Variants in CLIP4 observed in about 807,000 individuals in gnomAD.
CLIP4 encodes the protein CAP-Gly domain-containing linker protein 4.
Under a neutral mutation model 73.1 loss-of-function variants are expected in CLIP4, and 47 were observed. The ratio of observed to expected loss-of-function variants is 0.64; its 90% CI spans 0.51 to 0.82. The LOEUF is 0.82. Among genes scored for constraint, CLIP4 ranks in the 40% least tolerant of loss-of-function variants. The pLI is 0.00. For synonymous variants in CLIP4, 306 were observed against 295.4 expected (o/e 1.04, Z -0.37); for missense variants, 874 against 852.9 (o/e 1.02, Z -0.31).
chr2:29,121,582 T>A, intron 2 of CLIP4, 61 bp downstream of exon 2: 1 of 1,553,848 alleles, frequency 6.4e-7, no homozygotes. Flanking sequence ...CTGTTACGCC[T>A]TTTTTGCACT....
chr2:29,175,975 A>G (rs999378238), intron 15 of CLIP4, among the ~76,000 whole-genome samples: 4 of 152,262 alleles, frequency 2.6e-5, no homozygotes, highest in Non-Finnish European at 4.4e-5. Context: ...GTTAGCCAGG[A>G]TGGTCTCGAT....
chr2:29,129,217 T>C (rs1379832524), intron 2 of CLIP4, among the ~76,000 whole-genome samples: 3 of 152,314 alleles, frequency 2.0e-5, no homozygotes, highest in African/African-American at 7.2e-5. Context: ...CTACATAGAA[T>C]CAAAGTTGTA....
At chr2:29,112,316 C>T (rs1668404540), upstream of CLIP4, among the ~76,000 whole-genome samples, 1 of 152,182 alleles carries the variant, frequency 6.6e-6, no homozygotes, top group South Asian at 2.1e-4. Flanking sequence ...GTTGCCATAA[C>T]ATTTACTTTG....
At chr2:29,124,716 C>G (rs1268721504) in intron 2 of CLIP4, among the ~76,000 whole-genome samples, 1 of 152,066 alleles carries the variant, frequency 6.6e-6, no homozygotes, top group Non-Finnish European at 1.5e-5. Flanking sequence ...AATTAATTAG[C>G]TGCTGATTTT....
At chr2:29,151,282 T>A (rs1361931899) in intron 8 of CLIP4, among the ~76,000 whole-genome samples, 1 of 152,198 alleles carries the variant, frequency 6.6e-6, no homozygotes, top group Non-Finnish European at 1.5e-5. Context: ...TAAAGTGGAT[T>A]AGGTCAAGAT....
intron 1 of CLIP4, among the ~76,000 whole-genome samples, chr2:29,119,766 A>T (rs1307842133): frequency 2.6e-5 from 4 of 152,094 alleles, no homozygotes; most frequent in Non-Finnish European, 5.9e-5. Flanking sequence ...ATTGATACCT[A>T]TTCATCATTC....
rs1251825890 is a variant in CLIP4, at chr2:29,183,459, C to T, written c.*1566C>T. 4.6e-5 allele frequency: 7 copies of T among 152,626 alleles called. No homozygotes were observed. In the South Asian group the frequency reaches 8.3e-4, roughly 18 times the overall value. 9.5% of individuals were successfully genotyped at this position (152,626 alleles called of 1,614,324 possible). A position where few individuals can be genotyped will look rare whatever the true frequency, so the allele number is the denominator to read the frequency against. On this transcript the variant is annotated 3_prime_UTR_variant, in exon 16 of 16. Coordinates refer to ENST00000320081, the MANE Select transcript of CLIP4 (RefSeq NM_024692.6). ...TTGATTGAAGGAAATGACTGTACTG[C>T]GATTCAAAAGTAAACTTATTTTATT...
intron 2 of CLIP4, among the ~76,000 whole-genome samples, chr2:29,127,995 A>G (rs763978796): frequency 5.3e-5 from 8 of 152,178 alleles, no homozygotes; most frequent in Non-Finnish European, 1.2e-4. Flanking sequence ...TACAATTTCT[A>G]AAACACTTAC....
chr2:29,104,165 G>A (rs1303840470), intron 1 of CLIP4, among the ~76,000 whole-genome samples: 1 of 152,172 alleles, frequency 6.6e-6, no homozygotes, highest in Non-Finnish European at 1.5e-5. Flanking sequence ...ACTCCCTAAG[G>A]AAAGGGACAC....
In CLIP4 at chr2:29,149,053, G is replaced by C. The variant is rs144586833; in HGVS notation, c.1022-3632G>C. Among the ~76,000 whole-genome samples the C allele has an allele frequency of 4.6e-5, 7 of 152,290 alleles. No individual in the cohort carries two copies. In the East Asian group the frequency reaches 1.3e-3, roughly 29 times the overall value. On this transcript the variant is annotated intron_variant, in intron 8 of 15. Transcript: ENST00000320081. ...TGACAGACTTTTTCTGTAAGGGGCC[G>C]CATGGTAAATGTTGTAGGCCTTGTG...
chr2:29,179,787 G>A (rs1668544790), intron 15 of CLIP4, among the ~76,000 whole-genome samples: 1 of 152,158 alleles, frequency 6.6e-6, no homozygotes, highest in Non-Finnish European at 1.5e-5. Flanking sequence ...ATGTTCTTCA[G>A]TAAAGATGTA....
chr2:29,157,053 T>C, intron 10 of CLIP4, 151 bp from the exon 11 acceptor site: 1 of 649,388 alleles, frequency 1.5e-6, no homozygotes, highest in Non-Finnish European at 2.7e-6. Flanking sequence ...CTACAATTGC[T>C]ATTTGGATGA....
chr2:29,141,050 A>C (rs1665731052), intron 6 of CLIP4, among the ~76,000 whole-genome samples: 1 of 151,994 alleles, frequency 6.6e-6, no homozygotes, highest in Non-Finnish European at 1.5e-5. Context: ...GTTTCAAAGG[A>C]TTTTTTTTGA....
intron 8 of CLIP4, among the ~76,000 whole-genome samples, chr2:29,151,833 T>C (rs1339275032): frequency 6.6e-6 from 1 of 152,178 alleles, no homozygotes; most frequent in African/African-American, 2.4e-5. Flanking sequence ...ATAGTCTGTA[T>C]TCACTATCTC....
At chr2:29,155,959 C>T (rs1457077748) in intron 9 of CLIP4, among the ~76,000 whole-genome samples, 2 of 152,214 alleles carry the variant, frequency 1.3e-5, no homozygotes, top group Non-Finnish European at 2.9e-5. Context: ...CTTGCTTTTC[C>T]TACATTTCAT....
At chr2:29,135,467 CTCCCA>C (rs1199081315) in intron 5 of CLIP4, 76 bp from the exon 6 acceptor site, 3 of 970,690 alleles carry the variant, frequency 3.1e-6, no homozygotes, top group Non-Finnish European at 3.0e-6. Context: ...TAAGTCCCTC[CTCCCA>C]AAGCCCTGTC....
chr2:29,175,831 G>A (rs543089321), intron 15 of CLIP4, among the ~76,000 whole-genome samples: 7 of 151,876 alleles, frequency 4.6e-5, no homozygotes, highest in South Asian at 2.1e-4. Context: ...GCGTGATCTC[G>A]GCTCACTGCA....
At chr2:29,129,509 T>A (rs1482340820) in intron 2 of CLIP4, among the ~76,000 whole-genome samples, 6 of 151,938 alleles carry the variant, frequency 3.9e-5, no homozygotes, top group Non-Finnish European at 7.4e-5. Flanking sequence ...ATTTTAGCCA[T>A]GTGTCAATTA....
At chr2:29,153,038 T>C (rs1666683205) in intron 9 of CLIP4, among the ~76,000 whole-genome samples, 1 of 152,208 alleles carries the variant, frequency 6.6e-6, no homozygotes, top group South Asian at 2.1e-4. Context: ...CTTTTTTCTC[T>C]TTACTGTCTC....
Sources: allele counts gnomAD v4.1 joint callset (sites outside exome capture counted in the v4.1 genomes callset), GRCh38; gene constraint gnomAD v4.1.1; transcripts MANE v1.5; gene names NCBI Gene and HGNC (gene_info 2026-07-23, HGNC 2026-07-21).